The following SNX29 variants were observed in gnomAD, a reference collection of about 807,000 sequenced individuals.
SNX29 encodes sorting nexin 29, also known as sorting nexin-29.
SNX29 carries 78 observed loss-of-function variants against 102.1 expected under a neutral mutation model. The ratio of observed to expected loss-of-function variants is 0.76; its 90% CI spans 0.64 to 0.92. The LOEUF (loss-of-function observed/expected upper bound fraction) is 0.92, where lower values mean the gene tolerates loss of function less well. SNX29 is among the 40% of genes least tolerant of loss of function. SNX29 has a pLI of 0.00. For missense variants in SNX29, 1,280 were observed against 1,061.7 expected (o/e 1.21, Z -2.86); for synonymous variants, 580 against 414.5 (o/e 1.40, Z -4.85).
chr16:12,563,147 G>A (rs955022121), intron 20 of SNX29, among the ~76,000 whole-genome samples: 1 of 151,910 alleles, frequency 6.6e-6, no homozygotes, highest in Non-Finnish European at 1.5e-5. Flanking sequence ...CCTCATCCCA[G>A]CTCCAGGGGG....
At chr16:12,432,197 C>G (rs892142736) in intron 18 of SNX29, among the ~76,000 whole-genome samples, 3 of 152,214 alleles carry the variant, frequency 2.0e-5, no homozygotes, top group Non-Finnish European at 1.5e-5. Flanking sequence ...AGTCCTTGGG[C>G]TTTTTGGCAG....
At chr16:12,373,110 C>G (rs1375365946) in intron 16 of SNX29, 3 of 152,130 alleles carry the variant, frequency 2.0e-5, no homozygotes, top group Non-Finnish European at 4.4e-5. Context: ...TCTTCATGTC[C>G]TCACCTTTAT....
chr16:12,323,118 A>T (rs1288756353), intron 15 of SNX29, among the ~76,000 whole-genome samples: 1 of 150,564 alleles, frequency 6.6e-6, no homozygotes, highest in Non-Finnish European at 1.5e-5. Context: ...CACTGTCAGG[A>T]TGTGGTCACT....
chr16:12,068,497 C>CAAA (rs150995842), intron 9 of SNX29, among the ~76,000 whole-genome samples: 22,067 of 87,028 alleles, frequency 0.25, 2,428 homozygotes, highest in East Asian at 0.31. Context: ...GACCCTGTCT[C>CAAA]AAAAAAAAAA....
chr16:12,557,717 C>G (rs771282066), intron 20 of SNX29: 15 of 152,186 alleles, frequency 9.9e-5, no homozygotes, highest in Non-Finnish European at 1.9e-4. Context: ...ACCAGCATCA[C>G]CTCAGATGCA....
At chr16:12,408,892 C>A (rs981544900) in intron 18 of SNX29, among the ~76,000 whole-genome samples, 1 of 152,222 alleles carries the variant, frequency 6.6e-6, no homozygotes, top group Non-Finnish European at 1.5e-5. Flanking sequence ...ACAGAGCCCC[C>A]ACTACTTCTA....
chr16:12,384,277 G>A (rs975746971), intron 16 of SNX29, among the ~76,000 whole-genome samples: 2 of 152,126 alleles, frequency 1.3e-5, no homozygotes, highest in African/African-American at 2.4e-5. Flanking sequence ...TCTATTTTTA[G>A]TTTTTTGAGA....
intron 20 of SNX29, among the ~76,000 whole-genome samples, chr16:12,537,129 A>G (rs2077112058): frequency 6.6e-6 from 1 of 152,142 alleles, no homozygotes; most frequent in Non-Finnish European, 1.5e-5. Context: ...TGTTGGTGAA[A>G]TGGATCTCAG....
intron 20 of SNX29, among the ~76,000 whole-genome samples, chr16:12,568,081 C>G (rs1333560749): frequency 6.6e-6 from 1 of 152,200 alleles, no homozygotes; most frequent in Non-Finnish European, 1.5e-5. Context: ...CACAGGAAGT[C>G]CGTCTCCTGT....
At chr16:12,416,448 A>T (rs944917258) in intron 18 of SNX29, among the ~76,000 whole-genome samples, 3 of 152,222 alleles carry the variant, frequency 2.0e-5, no homozygotes, top group Non-Finnish European at 2.9e-5. Flanking sequence ...AGAAATGAGA[A>T]GTATTTGAGG....
intron 1 of SNX29, among the ~76,000 whole-genome samples, chr16:11,986,333 G>T (rs1432974292): frequency 1.4e-5 from 2 of 145,172 alleles, no homozygotes; most frequent in Non-Finnish European, 3.0e-5. Flanking sequence ...TTCTTCGCTT[G>T]CATCTGTGTT....
At chr16:11,999,407 A>G in intron 2 of SNX29, 49 bp downstream of exon 2, 1 of 1,581,246 alleles carries the variant, frequency 6.3e-7, no homozygotes, top group Non-Finnish European at 8.7e-7. Context: ...ATAGTGTCAG[A>G]TAATTAATGT....
At chr16:12,280,048 GGGGTGTTTGACCCTCTGATTGATT>G (rs1267047932) in intron 15 of SNX29, among the ~76,000 whole-genome samples, 6 of 152,112 alleles carry the variant, frequency 3.9e-5, no homozygotes, top group Non-Finnish European at 5.9e-5. Context: ...GGGTGGGGTG[GGGGTGTTTGACCCTCTGATTGATT>G]GGGTGTTTGA....
At chr16:12,093,616 A>G (rs1371735020) in intron 11 of SNX29, 4 of 152,120 alleles carry the variant, frequency 2.6e-5, no homozygotes, top group Non-Finnish European at 5.9e-5. Flanking sequence ...AAAGAGAAAG[A>G]TCTATGTGAC....
At chr16:12,471,026 GCCTC>G (rs2087312928) in intron 18 of SNX29, among the ~76,000 whole-genome samples, 4 of 152,116 alleles carry the variant, frequency 2.6e-5, no homozygotes, top group Non-Finnish European at 4.4e-5. Context: ...GTGAACCCAG[GCCTC>G]CCTCCCTATG....
chr16:12,372,155 C>A (rs938386170), intron 16 of SNX29, among the ~76,000 whole-genome samples: 1 of 152,158 alleles, frequency 6.6e-6, no homozygotes, highest in African/African-American at 2.4e-5. Context: ...CACACACATG[C>A]CTAACGCACA....
At chr16:12,384,944 G>C (rs761614296) in intron 16 of SNX29, among the ~76,000 whole-genome samples, 41 of 152,214 alleles carry the variant, frequency 2.7e-4, no homozygotes, top group Non-Finnish European at 4.7e-4. Context: ...GCCGAGGCAG[G>C]TGGATCACCT....
chr16:12,394,473 C>T (rs1597218276), intron 16 of SNX29, among the ~76,000 whole-genome samples: 2 of 152,158 alleles, frequency 1.3e-5, no homozygotes, highest in African/African-American at 2.4e-5. Flanking sequence ...GTGAAACCAC[C>T]CCAAAACTTA....
At position 12,569,379 on chromosome 16, in the gene SNX29, A is replaced by C. The variant is rs1379758142; in HGVS notation, c.*750A>C. ...AGGCTTGGAGTGGGGGGACTCAGAC[A>C]TCTGGCCCAGCCATCAGCAGCAACC... On this transcript the variant is annotated 3_prime_UTR_variant, in exon 21 of 21. Coordinates refer to ENST00000566228, the MANE Select transcript of SNX29 (RefSeq NM_032167.5). 3 of 230,332 alleles carry C rather than the reference A, an allele frequency of 1.3e-5. No individual in the cohort carries two copies. Among genetic ancestry groups the C allele is most frequent in the African/African-American group, 2.2e-5 (1 of 45,158 alleles). The allele number at this position is 230,332 out of a possible 1,614,324, so 14.3% of individuals were successfully genotyped here. A position where few individuals can be genotyped will look rare whatever the true frequency, so the allele number is the denominator to read the frequency against.
Sources: gnomAD v4.1 joint callset for allele counts (sites outside exome capture counted in the v4.1 genomes callset) on GRCh38, gnomAD v4.1.1 for gene constraint, MANE v1.5 for transcripts, NCBI Gene and HGNC (gene_info 2026-07-23, HGNC 2026-07-21) for gene names.